Variants in S100Z observed in about 807,000 individuals in gnomAD.
S100Z encodes protein S100-Z.
Under a neutral mutation model 8.5 loss-of-function variants are expected in S100Z, and 11 were observed. The observed-to-expected ratio is 1.30, with a 90% CI of 0.82 to 2.15. The LOEUF (loss-of-function observed/expected upper bound fraction) is 2.15, where lower values mean the gene tolerates loss of function less well. Ranked by LOEUF, S100Z falls within the 30% of genes most tolerant of loss-of-function variation. The probability of loss-of-function intolerance (pLI) is 0.00; values close to 1 mark genes in which losing one functional copy is unlikely to be tolerated. For synonymous variants in S100Z, 34 were observed against 43.8 expected (o/e 0.78, Z 0.89); for missense variants, 126 against 117.9 (o/e 1.07, Z -0.32).
chr5:76,914,018 A>G (rs1012058006), intron 4 of S100Z, among the ~76,000 whole-genome samples: 1 of 152,092 alleles, frequency 6.6e-6, no homozygotes, highest in African/African-American at 2.4e-5. Context: ...TTTCCTCTGG[A>G]ATCAAGGCCA....
At chr5:76,873,120 A>G (rs1178369971) in intron 2 of S100Z, among the ~76,000 whole-genome samples, 1 of 152,236 alleles carries the variant, frequency 6.6e-6, no homozygotes, top group African/African-American at 2.4e-5. Flanking sequence ...TCACACAACT[A>G]GTGGCAGAGG....
rs192299852 is a variant in S100Z at position 76,886,504 on chromosome 5, G to A, written c.*2+8670G>A. On this transcript the variant is annotated intron_variant, in intron 4 of 4. Transcript: ENST00000317593. The stretch of plus-strand genomic sequence containing the variant: ...GTTGGTCTGAGGACCCGAGGTCGTA[G>A]GTGGATCTCTTCATGGAGTGAGGGC... Among the ~76,000 whole-genome samples, 60 of 152,282 alleles carry A rather than the reference G, an allele frequency of 3.9e-4. No homozygotes were observed. In the East Asian group the frequency reaches 0.01, roughly 26 times the overall value.
rs551688565 is a variant in S100Z, at chr5:76,901,689, C to T, written c.*3-19028C>T. Among the ~76,000 whole-genome samples the T allele has an allele frequency of 5.3e-5, 8 of 152,298 alleles. No individual in the cohort carries two copies. In the East Asian group the frequency reaches 1.5e-3, roughly 29 times the overall value. Reference sequence around the variant, plus strand: ...AGAGTCAAGTCCTGGAATTGGGGATCCCAAGAACCCTCATGGTGCTCTATT... The same window carrying T: ...AGAGTCAAGTCCTGGAATTGGGGATTCCAAGAACCCTCATGGTGCTCTATT... On this transcript the variant is annotated intron_variant, in intron 4 of 4. Transcript: ENST00000317593.
At chr5:76,873,316 T>TC (rs1266085021) in intron 2 of S100Z, among the ~76,000 whole-genome samples, 2 of 104,858 alleles carry the variant, frequency 1.9e-5, no homozygotes, top group Non-Finnish European at 3.7e-5. Flanking sequence ...TAACAATTTT[T>TC]TTTTTTTTTT....
chr5:76,856,019 T>C (rs948064345), intron 1 of S100Z, among the ~76,000 whole-genome samples: 1 of 152,096 alleles, frequency 6.6e-6, no homozygotes, highest in Non-Finnish European at 1.5e-5. Flanking sequence ...TTCAAAAGTA[T>C]GTGGCACCTC....
At chr5:76,874,971 G>A (rs955088643) in intron 2 of S100Z, among the ~76,000 whole-genome samples, 1 of 151,884 alleles carries the variant, frequency 6.6e-6, no homozygotes, top group Non-Finnish European at 1.5e-5. Flanking sequence ...TGCAAACTCC[G>A]CCTCCCGGGT....
chr5:76,852,642 G>A (rs778891638), intron 1 of S100Z, among the ~76,000 whole-genome samples: 3 of 152,120 alleles, frequency 2.0e-5, no homozygotes, highest in Admixed American at 1.3e-4. Flanking sequence ...CCCAGGAGGC[G>A]GAGGTTGCAG....
intron 4 of S100Z, among the ~76,000 whole-genome samples, chr5:76,911,381 C>T (rs557345707): frequency 6.6e-6 from 1 of 152,172 alleles, no homozygotes; most frequent in Non-Finnish European, 1.5e-5. Flanking sequence ...CTATAGCCTG[C>T]TCTCCCAAAC....
At chr5:76,904,751 C>T (rs1415657556) in intron 4 of S100Z, among the ~76,000 whole-genome samples, 1 of 151,790 alleles carries the variant, frequency 6.6e-6, no homozygotes, top group Non-Finnish European at 1.5e-5. Context: ...CCCTGTGTTG[C>T]CCAGGCTGGT....
chr5:76,906,972 GTGTGTATATATATATATATA>G (rs1401363216), intron 4 of S100Z, among the ~76,000 whole-genome samples: 795 of 30,434 alleles, frequency 0.026, 28 homozygotes, highest in African/African-American at 0.088. Context: ...TCCATTGTGT[GTGTGTATATATATATATATA>G]TATATATATA....
the S100Z span, among the ~76,000 whole-genome samples, chr5:76,927,806 A>C: frequency 6.6e-6 from 1 of 152,212 alleles, no homozygotes; most frequent in Non-Finnish European, 1.5e-5. Context: ...GAAACTTCTC[A>C]ACAAGCCTAC....
At chr5:76,920,359 C>T (rs772272040) in intron 4 of S100Z, among the ~76,000 whole-genome samples, 1 of 152,092 alleles carries the variant, frequency 6.6e-6, no homozygotes, top group Non-Finnish European at 1.5e-5. Context: ...GTTTACTGGC[C>T]ATTTATGGCT....
At chr5:76,898,018 T>C (rs1258605438) in intron 4 of S100Z, among the ~76,000 whole-genome samples, 2 of 152,254 alleles carry the variant, frequency 1.3e-5, no homozygotes, top group African/African-American at 2.4e-5. Flanking sequence ...TCCAGTACTA[T>C]GTTGCATAAC....
chr5:76,941,409 T>C, the S100Z span, among the ~76,000 whole-genome samples: 3 of 152,086 alleles, frequency 2.0e-5, no homozygotes, highest in Non-Finnish European at 4.4e-5. Context: ...CTGATGGTTT[T>C]ATAAAGGGTG....
At chr5:76,911,673 A>C (rs1285641296) in intron 4 of S100Z, among the ~76,000 whole-genome samples, 2 of 152,198 alleles carry the variant, frequency 1.3e-5, no homozygotes, top group Admixed American at 1.3e-4. Flanking sequence ...TCATGCCAGC[A>C]GACTACTCTA....
intron 2 of S100Z, among the ~76,000 whole-genome samples, chr5:76,873,962 A>C (rs1743094731): frequency 6.6e-6 from 1 of 152,142 alleles, no homozygotes; most frequent in African/African-American, 2.4e-5. Context: ...CATTCCTATA[A>C]CTGAAAAAGT....
intron 4 of S100Z, among the ~76,000 whole-genome samples, chr5:76,891,297 A>G (rs1743846355): frequency 6.6e-6 from 1 of 152,238 alleles, no homozygotes; most frequent in Non-Finnish European, 1.5e-5. Context: ...TTTAAAATAT[A>G]GATGAATAAA....
chr5:76,928,400 T>C, the S100Z span, among the ~76,000 whole-genome samples: 1 of 152,180 alleles, frequency 6.6e-6, no homozygotes, highest in Non-Finnish European at 1.5e-5. Flanking sequence ...ATTTTGAAAA[T>C]TAGATAATGC....
intron 4 of S100Z, among the ~76,000 whole-genome samples, chr5:76,905,776 A>G (rs1744403899): frequency 6.6e-6 from 1 of 152,078 alleles, no homozygotes; most frequent in Admixed American, 6.6e-5. Context: ...TTCAACTTTA[A>G]ATCGAGGTTT....
Sources: gnomAD v4.1 joint callset for allele counts (sites outside exome capture counted in the v4.1 genomes callset) on GRCh38, gnomAD v4.1.1 for gene constraint, MANE v1.5 for transcripts, NCBI Gene and HGNC (gene_info 2026-07-23, HGNC 2026-07-21) for gene names.